The following KIAA0319 variants were observed in gnomAD, a reference collection of about 807,000 sequenced individuals.
The protein encoded by KIAA0319 is dyslexia-associated protein KIAA0319.
A neutral mutation model predicts 108.4 loss-of-function variants in KIAA0319; 83 were observed. The ratio of observed to expected loss-of-function variants is 0.77; its 90% confidence interval spans 0.64 to 0.92. KIAA0319 has a LOEUF of 0.92. KIAA0319 is among the 40% of genes least tolerant of loss of function. The pLI, the probability that KIAA0319 is intolerant of heterozygous loss-of-function variation, is 0.00. For synonymous variants in KIAA0319, 484 were observed against 510.4 expected, an observed-to-expected ratio of 0.95 and a Z score of 0.70; for missense variants, 1,195 against 1,322.4, an observed-to-expected ratio of 0.90 and a Z score of 1.49.
intron 20 of KIAA0319, among the ~76,000 whole-genome samples, chr6:24,550,143 C>T (rs1761255843): frequency 6.6e-6 from 1 of 152,224 alleles, no homozygotes; most frequent in South Asian, 2.1e-4. Flanking sequence ...ATTAGCTACA[C>T]TCTCTGTACA....
In KIAA0319 at chr6:24,566,684, G is replaced by A; in HGVS notation, c.2205C>T (p.Ser735=). The change falls in exon 14 of 21, where the codon TCC becomes TCT. Residue 735 remains serine, a synonymous_variant. Transcript: ENST00000378214. Reference sequence around the variant, plus strand: ...TAGACCTTGAACCATCCAAAGTAATGGAATTATTGGGAAGCACAAGAACAT... The same window carrying A: ...TAGACCTTGAACCATCCAAAGTAATAGAATTATTGGGAAGCACAAGAACAT... The part of the protein sequence containing the change: ...GRHVLVLPNN[S]ITLDGSRSTD... 2.5e-6 allele frequency: 4 copies of A among 1,613,492 alleles called. No homozygotes were observed. The highest frequency in any genetic ancestry group is 3.4e-6 in the Non-Finnish European group (4 of 1,179,698).
In KIAA0319 at chr6:24,547,034, T is replaced by G; in HGVS notation, c.*131A>C. The stretch of plus-strand genomic sequence containing the variant: ...CTTCAAAAACCGGTCTTTTAGTACG[T>G]GGGGATACACATCTAACCCACTGGG... On this transcript the variant is annotated 3_prime_UTR_variant, in exon 21 of 21. Coordinates refer to ENST00000378214, the MANE Select transcript of KIAA0319 (RefSeq NM_014809.4). 1 of 922,164 alleles carries G rather than the reference T, an allele frequency of 1.1e-6. No homozygotes were observed. Among genetic ancestry groups the G allele is most frequent in the South Asian group, 1.6e-5 (1 of 60,656 alleles). 57.1% of individuals were successfully genotyped at this position (922,164 alleles called of 1,614,324 possible). A position where few individuals can be genotyped will look rare whatever the true frequency, so the allele number is the denominator to read the frequency against.
intron 20 of KIAA0319, among the ~76,000 whole-genome samples, chr6:24,548,367 T>A (rs893053067): frequency 6.6e-6 from 1 of 152,134 alleles, no homozygotes; most frequent in African/African-American, 2.4e-5. Context: ...ACAGATTGAA[T>A]CCCAGGTTAC....
intron 19 of KIAA0319, 94 bp downstream of exon 19, chr6:24,554,447 T>A (rs1762009117): frequency 9.3e-6 from 8 of 860,900 alleles, no homozygotes; most frequent in African/African-American, 1.7e-5. Context: ...ATAAACAGCT[T>A]AGTGGTTTAA....
Position 24,564,211 on chromosome 6 carries a change from C to T in KIAA0319, c.2422G>A (p.Val808Met), listed in dbSNP as rs1763528182. ...GAGCCCAGGAACTCACCTGGCTGCA[C>T]TTCCACAGTGGCAGTGTCTGTGTCC... is the stretch of plus-strand genomic sequence containing the variant. ...ASDTDTATVE[V>M]QPDPRKSGLV... Residue 808 changes from valine to methionine, a missense_variant, in exon 15 of 21, where the codon GTG becomes ATG. Val to Met is a conservative substitution (Grantham distance 21). Coordinates refer to ENST00000378214, the MANE Select transcript of KIAA0319 (RefSeq NM_014809.4). The T allele has an allele frequency of 1.2e-6, 2 of 1,614,044 alleles. No homozygotes were observed. The highest frequency in any genetic ancestry group is 3.3e-5 in the Admixed American group (2 of 60,000).
chr6:24,644,246 AG>A (rs60265389), intron 1 of KIAA0319, among the ~76,000 whole-genome samples: 106,794 of 151,322 alleles, frequency 0.71, 38,109 homozygotes, highest in East Asian at 0.87. Context: ...GACAGGGGAG[AG>A]GGGGGGGTTC....
intron 1 of KIAA0319, among the ~76,000 whole-genome samples, chr6:24,625,090 G>GATAAAAAC (rs1774521351): frequency 6.6e-6 from 1 of 152,090 alleles, no homozygotes; most frequent in Non-Finnish European, 1.5e-5. Context: ...ATAAATAAAA[G>GATAAAAAC]AATTGTATAA....
chr6:24,594,305 G>GA (rs1276721303), intron 3 of KIAA0319, among the ~76,000 whole-genome samples: 14 of 136,626 alleles, frequency 1.0e-4, no homozygotes, highest in African/African-American at 3.9e-4. Flanking sequence ...TCAAAATTCA[G>GA]AAAAATATAA....
At chr6:24,553,361 G>T (rs1162711144) in intron 19 of KIAA0319, among the ~76,000 whole-genome samples, 2 of 129,218 alleles carry the variant, frequency 1.5e-5, no homozygotes, top group Non-Finnish European at 3.3e-5. Flanking sequence ...ATATATATCT[G>T]TATGTATGTT....
chr6:24,618,317 CA>C (rs1202832980), intron 1 of KIAA0319, among the ~76,000 whole-genome samples: 1 of 151,800 alleles, frequency 6.6e-6, no homozygotes, highest in African/African-American at 2.4e-5. Context: ...ACGTACAATT[CA>C]AAATTACAGG....
intron 1 of KIAA0319, among the ~76,000 whole-genome samples, chr6:24,615,090 T>G (rs1031646816): frequency 3.0e-4 from 46 of 152,252 alleles, no homozygotes; most frequent in African/African-American, 1.1e-3. Flanking sequence ...TATTTAGAGT[T>G]AATTGTAATG....
chr6:24,641,650 GT>G (rs1776911308), intron 1 of KIAA0319, among the ~76,000 whole-genome samples: 2 of 152,138 alleles, frequency 1.3e-5, no homozygotes, highest in Admixed American at 6.5e-5. Flanking sequence ...AGACAAAGAG[GT>G]TGAAGACACC....
chr6:24,596,447 C>T lies in KIAA0319; in HGVS notation c.227G>A (p.Arg76His). Residue 76 changes from arginine (R) to histidine (H), a missense_variant, in exon 3 of 21, where the codon CGC becomes CAC. Coordinates refer to ENST00000378214, the MANE Select transcript of KIAA0319 (RefSeq NM_014809.4). ...GTGGGGGCAGCTCACCAGGTAGCAG[C>T]GGCCCTCGAACCACCAGGCCAGGTC... is the stretch of plus-strand genomic sequence containing the variant. ...SCDLAWWFEG[R>H]CYLVSCPHKE... The T allele has an allele frequency of 3.7e-6, 6 of 1,614,196 alleles. No individual in the cohort carries two copies. The highest frequency in any genetic ancestry group is 2.2e-5 in the South Asian group (2 of 91,086).
chr6:24,643,962 G>A (rs1777289383), intron 1 of KIAA0319, among the ~76,000 whole-genome samples: 1 of 152,194 alleles, frequency 6.6e-6, no homozygotes, highest in African/African-American at 2.4e-5. Flanking sequence ...CTCTGACCTG[G>A]CAATCTGCAG....
chr6:24,600,206 C>A (rs981266096), intron 2 of KIAA0319, among the ~76,000 whole-genome samples: 1 of 152,120 alleles, frequency 6.6e-6, no homozygotes, highest in Non-Finnish European at 1.5e-5. Context: ...TTAATGACAT[C>A]ATCTAAAACA....
chr6:24,625,983 T>TTA (rs1161177524), intron 1 of KIAA0319, among the ~76,000 whole-genome samples: 1 of 152,214 alleles, frequency 6.6e-6, no homozygotes, highest in Non-Finnish European at 1.5e-5. Context: ...TATCATGGTA[T>TTA]TATATATCTA....
intron 1 of KIAA0319, among the ~76,000 whole-genome samples, chr6:24,630,691 A>G (rs1775450427): frequency 1.4e-5 from 1 of 71,298 alleles, no homozygotes; most frequent in Non-Finnish European, 2.6e-5. Flanking sequence ...GTGTATATAT[A>G]TATATATATA....
At chr6:24,553,294 TACACACACACACACACACACACACAC>T (rs71544276) in intron 19 of KIAA0319, among the ~76,000 whole-genome samples, 4 of 91,064 alleles carry the variant, frequency 4.4e-5, no homozygotes, top group African/African-American at 1.4e-4. Flanking sequence ...TATATATATA[TACACACACACACACACACACACACAC>T]ACACACACAC....
intron 1 of KIAA0319, among the ~76,000 whole-genome samples, chr6:24,624,028 T>C (rs1469156669): frequency 1.4e-5 from 2 of 140,534 alleles, no homozygotes; most frequent in Non-Finnish European, 3.1e-5. Flanking sequence ...TTTTTTTTTT[T>C]TTTTTTTTTT....
Sources: allele counts gnomAD v4.1 joint callset (sites outside exome capture counted in the v4.1 genomes callset), GRCh38; gene constraint gnomAD v4.1.1; transcripts MANE v1.5; gene names NCBI Gene and HGNC (gene_info 2026-07-23, HGNC 2026-07-21).